Variants in FNBP1 observed in about 807,000 individuals in gnomAD.
The protein encoded by FNBP1 is formin-binding protein 1.
A neutral mutation model predicts 90.6 loss-of-function variants in FNBP1; 26 were observed. The observed-to-expected ratio is 0.29, with a 90% CI of 0.21 to 0.40. The LOEUF (loss-of-function observed/expected upper bound fraction) is 0.40, where lower values mean the gene tolerates loss of function less well. FNBP1 is among the 10% of genes least tolerant of loss of function. The pLI, the probability that FNBP1 is intolerant of heterozygous loss-of-function variation, is 1.00. For synonymous variants in FNBP1, 260 were observed against 265.2 expected, an observed-to-expected ratio of 0.98 and a Z score of 0.19; for missense variants, 635 against 768.0, an observed-to-expected ratio of 0.83 and a Z score of 2.05.
intron 2 of FNBP1, among the ~76,000 whole-genome samples, chr9:129,992,549 C>CTTTTT (rs11455680): frequency 2.6e-4 from 24 of 92,572 alleles, no homozygotes; most frequent in Admixed American, 6.0e-4. Context: ...ACACATAGCT[C>CTTTTT]TTTTTTTTTT....
chr9:129,893,538 G>A (rs1365992571), intron 16 of FNBP1, among the ~76,000 whole-genome samples: 4 of 145,228 alleles, frequency 2.8e-5, no homozygotes, highest in African/African-American at 1.0e-4. Context: ...ACTTGAACTC[G>A]GGAGGCAGAG....
intron 4 of FNBP1, among the ~76,000 whole-genome samples, chr9:129,973,146 G>C (rs1302275660): frequency 1.3e-5 from 2 of 152,164 alleles, no homozygotes; most frequent in Non-Finnish European, 2.9e-5. Flanking sequence ...CACCAAGCAG[G>C]GGGCTCCAGC....
At chr9:129,903,034 G>C in intron 12 of FNBP1, 33 bp from the exon 13 acceptor site, 2 of 1,545,150 alleles carry the variant, frequency 1.3e-6, no homozygotes, top group African/African-American at 2.8e-5. Flanking sequence ...TGCTGTAAAG[G>C]TTACTCCATT....
intron 1 of FNBP1, among the ~76,000 whole-genome samples, chr9:130,010,230 G>A (rs1029141852): frequency 6.6e-6 from 1 of 152,070 alleles, no homozygotes; most frequent in Non-Finnish European, 1.5e-5. Flanking sequence ...GAGCATCTTG[G>A]CTGACAATCT....
At chr9:129,913,034 T>C (rs960780854) in intron 11 of FNBP1, among the ~76,000 whole-genome samples, 1 of 151,964 alleles carries the variant, frequency 6.6e-6, no homozygotes, top group Non-Finnish European at 1.5e-5. Flanking sequence ...CTGGCCAACA[T>C]GGTGAAACCC....
chr9:130,028,938 A>G (rs190053961), intron 1 of FNBP1, among the ~76,000 whole-genome samples: 1 of 152,292 alleles, frequency 6.6e-6, no homozygotes, highest in African/African-American at 2.4e-5. Context: ...GGCATCTTGT[A>G]AAATGTCCAG....
chr9:129,908,514 AT>A (rs2038605145), intron 12 of FNBP1, among the ~76,000 whole-genome samples: 1 of 145,044 alleles, frequency 6.9e-6, no homozygotes, highest in Non-Finnish European at 1.5e-5. Context: ...CTGAACTTGA[AT>A]TTCTTTTCTT....
chr9:129,963,893 G>C (rs958110241), intron 4 of FNBP1, among the ~76,000 whole-genome samples: 3 of 152,130 alleles, frequency 2.0e-5, no homozygotes, highest in Admixed American at 2.0e-4. Flanking sequence ...GGGATTACAG[G>C]CATGAGCCAC....
chr9:129,894,992 G>A (rs559663977), intron 16 of FNBP1, among the ~76,000 whole-genome samples: 4 of 152,214 alleles, frequency 2.6e-5, no homozygotes, highest in East Asian at 3.9e-4. Context: ...TGGGGGAGGC[G>A]GAGGTTGCAG....
chr9:129,984,719 A>G (rs1300194442), intron 2 of FNBP1, among the ~76,000 whole-genome samples: 2 of 152,008 alleles, frequency 1.3e-5, no homozygotes, highest in Non-Finnish European at 2.9e-5. Flanking sequence ...CCCAGGGGGA[A>G]GTAATTGAAT....
At chr9:130,008,924 G>C (rs2056177808) in intron 1 of FNBP1, among the ~76,000 whole-genome samples, 1 of 152,150 alleles carries the variant, frequency 6.6e-6, no homozygotes, top group East Asian at 1.9e-4. Flanking sequence ...GATAGAGAGA[G>C]AAAGAAATCT....
chr9:130,016,215 C>T (rs1275243637), intron 1 of FNBP1, among the ~76,000 whole-genome samples: 1 of 152,154 alleles, frequency 6.6e-6, no homozygotes, highest in Non-Finnish European at 1.5e-5. Flanking sequence ...ATCCCCAGTG[C>T]AGTGGTACCT....
chr9:130,051,441 T>C, the FNBP1 span, among the ~76,000 whole-genome samples: 7 of 152,330 alleles, frequency 4.6e-5, no homozygotes, highest in Non-Finnish European at 1.0e-4. Context: ...TCCAAACCGA[T>C]ATCAAATAAT....
At position 129,890,259 on chromosome 9, in the gene FNBP1, A is replaced by G; in HGVS notation, c.*280T>C. 2.5e-5 allele frequency: 13 copies of G among 516,278 alleles called. No homozygotes were observed. The highest frequency in any genetic ancestry group is 1.1e-4 in the Admixed American group (3 of 27,942). 32.0% of individuals were successfully genotyped at this position (516,278 alleles called of 1,614,324 possible). A position where few individuals can be genotyped will look rare whatever the true frequency, so the allele number is the denominator to read the frequency against. On this transcript the variant is annotated 3_prime_UTR_variant, in exon 17 of 17. Coordinates refer to ENST00000446176, the MANE Select transcript of FNBP1 (RefSeq NM_015033.3). This position sits in a 1 kb window ranked among gnomAD's most constrained non-coding sequence, Gnocchi z 5.8. The stretch of plus-strand genomic sequence containing the variant: ...AGGAGCAGGTAGGGGCGTGTGTCCC[A>G]CCGTCTCAGTGGCCTGCGCGGGGTG...
At chr9:129,972,126 A>G (rs2049546399) in intron 4 of FNBP1, among the ~76,000 whole-genome samples, 1 of 152,012 alleles carries the variant, frequency 6.6e-6, no homozygotes. Flanking sequence ...AACCAATTCC[A>G]CATTTTATTT....
At chr9:130,028,711 A>G (rs2058561321) in intron 1 of FNBP1, among the ~76,000 whole-genome samples, 1 of 152,222 alleles carries the variant, frequency 6.6e-6, no homozygotes, top group African/African-American at 2.4e-5. Flanking sequence ...ACTGTCCAAA[A>G]GGGCAACACG....
chr9:129,925,626 A>G (rs1396417651), intron 8 of FNBP1, among the ~76,000 whole-genome samples: 1 of 102,028 alleles, frequency 9.8e-6, no homozygotes, highest in Non-Finnish European at 1.8e-5. Flanking sequence ...GACAGTCTCA[A>G]TCTGTTACCC....
the FNBP1 span, among the ~76,000 whole-genome samples, chr9:130,053,116 C>CA: frequency 1.3e-5 from 2 of 151,258 alleles, no homozygotes; most frequent in Admixed American, 6.6e-5. Flanking sequence ...GACTCCGTCT[C>CA]AAAAAAAAGA....
intron 9 of FNBP1, 37 bp downstream of exon 9, chr9:129,924,923 C>G (rs929559977): frequency 6.5e-7 from 1 of 1,537,510 alleles, no homozygotes; most frequent in African/African-American, 1.4e-5. Flanking sequence ...AAAATCTCCA[C>G]ACCTTAGAAA....
Sources: allele counts gnomAD v4.1 joint callset (sites outside exome capture counted in the v4.1 genomes callset), GRCh38; gene constraint gnomAD v4.1.1; non-coding constraint Gnocchi (gnomAD v3.1); transcripts MANE v1.5; gene names NCBI Gene and HGNC (gene_info 2026-07-23, HGNC 2026-07-21).